The following PDE1C variants were observed in gnomAD, a reference collection of about 807,000 sequenced individuals.
PDE1C encodes the protein phosphodiesterase 1C.
PDE1C carries 62 observed loss-of-function variants against 93.1 expected under a neutral mutation model. That is an observed-to-expected ratio of 0.67 (90% CI 0.54 to 0.82). The LOEUF (loss-of-function observed/expected upper bound fraction) is 0.82. Ranked by LOEUF, PDE1C falls within the 40% of genes least tolerant of loss-of-function variation. PDE1C has a pLI of 0.00. For synonymous variants in PDE1C, 325 were observed against 310.1 expected, an observed-to-expected ratio of 1.05 and a Z score of -0.50; for missense variants, 742 against 884.6, an observed-to-expected ratio of 0.84 and a Z score of 2.04.
At chr7:31,990,070 G>C (rs1381988567) in intron 2 of PDE1C, among the ~76,000 whole-genome samples, 1 of 152,196 alleles carries the variant, frequency 6.6e-6, no homozygotes, top group Non-Finnish European at 1.5e-5. Context: ...TGTGCTATGG[G>C]AGACATGGGC....
At chr7:31,643,406 C>A in the PDE1C span, 1 of 1,613,992 alleles carries the variant, frequency 6.2e-7, no homozygotes, top group South Asian at 1.1e-5. Context: ...CAGGTGAAGT[C>A]AAGGTCTGGT....
intron 1 of PDE1C, among the ~76,000 whole-genome samples, chr7:32,353,855 C>T (rs1562830): frequency 0.089 from 13,513 of 152,218 alleles, 704 homozygotes; most frequent in East Asian, 0.13. Context: ...TCCACTTCCT[C>T]ACTCCCAGTG....
intron 2 of PDE1C, among the ~76,000 whole-genome samples, chr7:31,998,010 T>TTTATTTTTA (rs372231310): frequency 0.18 from 25,951 of 147,994 alleles, 2,657 homozygotes; most frequent in Admixed American, 0.32. Context: ...TTTATTTTAT[T>TTTATTTTTA]TTTATTTATT....
intron 13 of PDE1C, among the ~76,000 whole-genome samples, chr7:31,824,541 G>A (rs1278460822): frequency 1.3e-5 from 2 of 152,086 alleles, no homozygotes; most frequent in South Asian, 2.1e-4. Flanking sequence ...TTCTTGATGA[G>A]TGGTACTGTC....
the PDE1C span, among the ~76,000 whole-genome samples, chr7:31,622,594 A>C: frequency 6.6e-5 from 10 of 152,018 alleles, no homozygotes; most frequent in Non-Finnish European, 1.2e-4. Flanking sequence ...AATCTCTGGG[A>C]CACATTCAAA....
intron 3 of PDE1C, among the ~76,000 whole-genome samples, chr7:32,098,729 A>T (rs1203777942): frequency 2.6e-5 from 4 of 152,212 alleles, no homozygotes; most frequent in Non-Finnish European, 4.4e-5. Flanking sequence ...ATCCAGACAT[A>T]TATCTTGGGC....
chr7:32,146,096 C>T (rs1314818043), intron 3 of PDE1C, among the ~76,000 whole-genome samples: 4 of 152,076 alleles, frequency 2.6e-5, no homozygotes, highest in African/African-American at 4.8e-5. Context: ...AGATGGCTGC[C>T]GTGTGGCTCA....
At chr7:31,870,787 G>T (rs1795852555) in intron 6 of PDE1C, among the ~76,000 whole-genome samples, 1 of 151,748 alleles carries the variant, frequency 6.6e-6, no homozygotes, top group Non-Finnish European at 1.5e-5. Flanking sequence ...ACCAAAACTG[G>T]ACAAGGATGC....
the PDE1C span, among the ~76,000 whole-genome samples, chr7:31,702,083 T>C: frequency 6.6e-6 from 1 of 152,220 alleles, no homozygotes; most frequent in Non-Finnish European, 1.5e-5. Flanking sequence ...CTATTTTCCA[T>C]GGATCTTTTT....
At chr7:32,296,353 C>G (rs1455094049) in intron 1 of PDE1C, among the ~76,000 whole-genome samples, 1 of 152,220 alleles carries the variant, frequency 6.6e-6, no homozygotes, top group Non-Finnish European at 1.5e-5. Flanking sequence ...TCATAAACTC[C>G]CCATGATATT....
At chr7:32,204,081 G>A (rs1805230363) in intron 2 of PDE1C, among the ~76,000 whole-genome samples, 1 of 152,064 alleles carries the variant, frequency 6.6e-6, no homozygotes, top group South Asian at 2.1e-4. Flanking sequence ...AATAAAATAA[G>A]GGTGATTTGA....
intron 2 of PDE1C, among the ~76,000 whole-genome samples, chr7:31,901,560 T>G (rs1799982107): frequency 6.6e-6 from 1 of 151,166 alleles, no homozygotes; most frequent in African/African-American, 2.4e-5. Flanking sequence ...AAATTTCTCC[T>G]CAAATTAAAT....
At chr7:32,105,314 G>T (rs1798242915) in intron 3 of PDE1C, among the ~76,000 whole-genome samples, 1 of 152,130 alleles carries the variant, frequency 6.6e-6, no homozygotes, top group Admixed American at 6.5e-5. Flanking sequence ...GACAAGCAAA[G>T]AGATGAGTAA....
chr7:32,009,132 G>A (rs1584435027), intron 2 of PDE1C, among the ~76,000 whole-genome samples: 1 of 152,282 alleles, frequency 6.6e-6, no homozygotes, highest in East Asian at 1.9e-4. Flanking sequence ...CAAAACACTG[G>A]ACATCAGGCC....
In PDE1C at chr7:31,983,812, C is replaced by A. The variant is rs537711284; in HGVS notation, c.128+67742G>T. The stretch of plus-strand genomic sequence containing the variant: ...CCACTTCACTTATTTGTAAAACCAA[C>A]TAAAAAAGTATTAAGAATTTCAAGA... On this transcript the variant is annotated intron_variant, in intron 2 of 17. Transcript: ENST00000396191. 3.9e-5 allele frequency among the ~76,000 whole-genome samples: 6 copies of A among 152,214 alleles called. No homozygotes were observed. The East Asian group carries it at 9.7e-4, about 25-fold the overall frequency.
At chr7:31,807,232 G>C (rs1046665745) in intron 16 of PDE1C, among the ~76,000 whole-genome samples, 7 of 151,910 alleles carry the variant, frequency 4.6e-5, no homozygotes, top group African/African-American at 1.7e-4. Context: ...ACCTACTTGA[G>C]GAAGTGGAAG....
At chr7:31,986,061 C>CAACATGACT (rs1783361118) in intron 2 of PDE1C, among the ~76,000 whole-genome samples, 1 of 152,160 alleles carries the variant, frequency 6.6e-6, no homozygotes, top group Admixed American at 6.5e-5. Context: ...ATTATTTTCT[C>CAACATGACT]AGGACTGCCA....
intron 16 of PDE1C, among the ~76,000 whole-genome samples, chr7:31,801,665 T>A (rs1330968340): frequency 1.3e-5 from 2 of 151,458 alleles, no homozygotes; most frequent in African/African-American, 4.8e-5. Context: ...ATTTGGTGCA[T>A]AAATGTAAAA....
intron 8 of PDE1C, among the ~76,000 whole-genome samples, chr7:31,849,714 C>A (rs1003078255): frequency 6.6e-6 from 1 of 152,102 alleles, no homozygotes; most frequent in African/African-American, 2.4e-5. Context: ...TACATTCTTT[C>A]TCTTTGACTT....
Sources: gnomAD v4.1 joint callset for allele counts (sites outside exome capture counted in the v4.1 genomes callset) on GRCh38, gnomAD v4.1.1 for gene constraint, MANE v1.5 for transcripts, NCBI Gene and HGNC (gene_info 2026-07-23, HGNC 2026-07-21) for gene names.